Variants in GRID1 observed in about 807,000 individuals in gnomAD.
GRID1 encodes glutamate ionotropic receptor delta type subunit 1.
GRID1 carries 28 observed loss-of-function variants against 98.0 expected under a neutral mutation model. The ratio of observed to expected loss-of-function variants is 0.29; its 90% CI spans 0.21 to 0.39. GRID1 has a LOEUF of 0.39. Among genes scored for constraint, GRID1 ranks in the 10% least tolerant of loss-of-function variants. GRID1 has a pLI of 1.00. For missense variants in GRID1, 1,111 were observed against 1,340.5 expected (o/e 0.83, Z 2.67); for synonymous variants, 553 against 538.5 (o/e 1.03, Z -0.37).
At chr10:85,728,354 C>T (rs140662582) in intron 9 of GRID1, among the ~76,000 whole-genome samples, 439 of 152,254 alleles carry the variant, frequency 2.9e-3, no homozygotes, top group Non-Finnish European at 5.3e-3. Flanking sequence ...TTCCTTCCTC[C>T]GTTTGTAACA....
rs539792172 is a variant in GRID1 at position 86,073,877 on chromosome 10, C to A, written c.726+64942G>T. ...CTCTCCTCTTGCTCAGAGATATGGACAGTCAGGACCGCAGCAGACAGGCGC... is the reference window on the plus strand; with the variant it reads ...CTCTCCTCTTGCTCAGAGATATGGAAAGTCAGGACCGCAGCAGACAGGCGC... On this transcript the variant is annotated intron_variant, in intron 4 of 15. Transcript: ENST00000327946. Among the ~76,000 whole-genome samples the A allele has an allele frequency of 1.2e-4, 18 of 152,328 alleles. No homozygotes were observed. In the South Asian group the frequency reaches 3.7e-3, roughly 32 times the overall value.
chr10:85,714,852 C>G lies in GRID1; in HGVS notation c.1997+8151G>C, dbSNP rs138254020. ...TCTATAGATTTGGTATAACCCCTAC[C>G]AAAATACCAATGACATTCTTCACAG... On this transcript the variant is annotated intron_variant, in intron 12 of 15. Transcript: ENST00000327946. Among the ~76,000 whole-genome samples, 426 of 151,974 alleles carry G rather than the reference C, an allele frequency of 2.8e-3. 1 individual carries two copies. The highest frequency in any genetic ancestry group is 9.6e-3 in the African/African-American group (400 of 41,498).
chr10:85,719,388 G>T (rs964045225), intron 12 of GRID1, among the ~76,000 whole-genome samples: 3 of 152,040 alleles, frequency 2.0e-5, no homozygotes, highest in African/African-American at 7.2e-5. Flanking sequence ...GTATTAGTTT[G>T]TTTTCACACT....
intron 8 of GRID1, among the ~76,000 whole-genome samples, chr10:85,730,687 T>G (rs1002132831): frequency 7.9e-5 from 12 of 152,176 alleles, no homozygotes; most frequent in African/African-American, 2.4e-4. Context: ...GAGATGGATA[T>G]TTTAGCTCCC....
At chr10:86,034,260 G>A (rs1212893651) in intron 4 of GRID1, among the ~76,000 whole-genome samples, 1 of 152,114 alleles carries the variant, frequency 6.6e-6, no homozygotes, top group African/African-American at 2.4e-5. Context: ...GTGTGTGTGA[G>A]TATGTGTGTG....
At chr10:85,979,899 T>C (rs2070381721) in intron 4 of GRID1, among the ~76,000 whole-genome samples, 2 of 152,212 alleles carry the variant, frequency 1.3e-5, no homozygotes, top group Admixed American at 1.3e-4. Flanking sequence ...TTCAGTAGCC[T>C]CCTAGCTGAT....
intron 4 of GRID1, among the ~76,000 whole-genome samples, chr10:86,078,145 T>C (rs191075919): frequency 1.3e-5 from 2 of 152,222 alleles, no homozygotes; most frequent in African/African-American, 4.8e-5. Flanking sequence ...TCCAAGGAAA[T>C]GCATACGGAT....
At chr10:86,272,053 G>A (rs1564725307) in intron 2 of GRID1, among the ~76,000 whole-genome samples, 1 of 151,924 alleles carries the variant, frequency 6.6e-6, no homozygotes, top group African/African-American at 2.4e-5. Flanking sequence ...TATGTTCAGA[G>A]GAACAAGGAT....
chr10:86,123,302 G>A (rs1589379433), intron 4 of GRID1, among the ~76,000 whole-genome samples: 1 of 152,240 alleles, frequency 6.6e-6, no homozygotes, highest in African/African-American at 2.4e-5. Flanking sequence ...CGGTGATGCT[G>A]AGAGTGGAGG....
chr10:85,611,901 T>C (rs1328486718), intron 15 of GRID1, among the ~76,000 whole-genome samples: 1 of 152,236 alleles, frequency 6.6e-6, no homozygotes, highest in Non-Finnish European at 1.5e-5. Context: ...CAACTATTCC[T>C]TTCAGGGCCT....
chr10:86,209,084 GTATTT>G (rs1846073624), intron 2 of GRID1, among the ~76,000 whole-genome samples: 4 of 152,224 alleles, frequency 2.6e-5, no homozygotes, highest in South Asian at 4.1e-4. Flanking sequence ...AAAATTGTAT[GTATTT>G]TATTTTATCA....
At chr10:85,865,521 G>C (rs1461694664) in intron 6 of GRID1, among the ~76,000 whole-genome samples, 1 of 152,142 alleles carries the variant, frequency 6.6e-6, no homozygotes, top group Non-Finnish European at 1.5e-5. Context: ...CCATTTGGTG[G>C]GGGGGAAGAA....
chr10:86,326,872 G>A (rs989372098), intron 2 of GRID1, among the ~76,000 whole-genome samples: 1 of 152,158 alleles, frequency 6.6e-6, no homozygotes, highest in Non-Finnish European at 1.5e-5. Flanking sequence ...GCAATGGTTC[G>A]CACCTGTAAT....
rs187067045 is a variant in GRID1 at position 86,149,333 on chromosome 10, A to C, written c.521-10309T>G. Among the ~76,000 whole-genome samples, 4 of 152,362 alleles carry C rather than the reference A, an allele frequency of 2.6e-5. No homozygotes were observed. In the East Asian group the frequency reaches 7.7e-4, roughly 29 times the overall value. On this transcript the variant is annotated intron_variant, in intron 3 of 15. Transcript: ENST00000327946. ...GCTCAGACAGGTTTCAGAACCAGCC[A>C]CAGAACCACATAAGAGCAGATTCAG...
At chr10:85,731,991 T>C (rs1053601519) in intron 8 of GRID1, among the ~76,000 whole-genome samples, 4 of 151,872 alleles carry the variant, frequency 2.6e-5, no homozygotes, top group African/African-American at 7.3e-5. Flanking sequence ...AGAAATTGCA[T>C]TAAGATACAG....
chr10:85,727,795 G>T, intron 10 of GRID1, 60 bp downstream of exon 10: 3 of 1,299,390 alleles, frequency 2.3e-6, no homozygotes, highest in Non-Finnish European at 2.2e-6. Flanking sequence ...GTCAAGTTTA[G>T]ATATTACCCC....
intron 8 of GRID1, among the ~76,000 whole-genome samples, chr10:85,820,027 A>AAGGAAGGAAGGCAGGCAGGC (rs1564600207): frequency 3.0e-5 from 2 of 66,498 alleles, no homozygotes; most frequent in Non-Finnish European, 5.6e-5. Context: ...GGAAGGAAGG[A>AAGGAAGGAAGGCAGGCAGGC]AGGCAGGCAG....
At chr10:85,746,178 A>G (rs1180124785) in intron 8 of GRID1, among the ~76,000 whole-genome samples, 1 of 152,182 alleles carries the variant, frequency 6.6e-6, no homozygotes, top group East Asian at 1.9e-4. Flanking sequence ...TGTATCCAAG[A>G]ATCTGTACTC....
chr10:86,219,067 G>A (rs1846215394), intron 2 of GRID1, among the ~76,000 whole-genome samples: 1 of 152,226 alleles, frequency 6.6e-6, no homozygotes, highest in African/African-American at 2.4e-5. Flanking sequence ...AAAGTCACAG[G>A]GATGCCCACA....
Sources: allele counts gnomAD v4.1 joint callset (sites outside exome capture counted in the v4.1 genomes callset), GRCh38; gene constraint gnomAD v4.1.1; transcripts MANE v1.5; gene names NCBI Gene and HGNC (gene_info 2026-07-23, HGNC 2026-07-21).